Variants in ANKS6 observed in about 807,000 individuals in gnomAD.
ANKS6 encodes ankyrin repeat and sterile alpha motif domain containing 6, also known as ankyrin repeat and SAM domain-containing protein 6.
In ANKS6, 47 loss-of-function variants were observed where a neutral mutation model predicts 77.9. That is an observed-to-expected ratio of 0.60 (90% CI 0.48 to 0.77). The LOEUF (loss-of-function observed/expected upper bound fraction) is 0.77, where lower values mean the gene tolerates loss of function less well. Ranked by LOEUF, ANKS6 falls within the 30% of genes least tolerant of loss-of-function variation. The probability of loss-of-function intolerance (pLI) is 0.00; values close to 1 mark genes in which losing one functional copy is unlikely to be tolerated. For synonymous variants in ANKS6, 488 were observed against 501.7 expected (o/e 0.97, Z 0.37); for missense variants, 1,150 against 1,159.1 (o/e 0.99, Z 0.11).
intron 5 of ANKS6, among the ~76,000 whole-genome samples, chr9:98,780,727 T>C (rs539916636): frequency 6.6e-6 from 1 of 152,264 alleles, no homozygotes; most frequent in East Asian, 1.9e-4. Context: ...ACCCACCACA[T>C]AAAGGTATCT....
At chr9:98,795,577 T>C (rs1183189842) in intron 1 of ANKS6, among the ~76,000 whole-genome samples, 1 of 152,186 alleles carries the variant, frequency 6.6e-6, no homozygotes, top group East Asian at 1.9e-4. Flanking sequence ...CCATCATGCC[T>C]TCCCACAGCC....
At chr9:98,738,274 ACAGT>A (rs1831610874) in intron 14 of ANKS6, among the ~76,000 whole-genome samples, 1 of 152,230 alleles carries the variant, frequency 6.6e-6, no homozygotes, top group Non-Finnish European at 1.5e-5. Flanking sequence ...GGCAAAAGGA[ACAGT>A]CAGCAGAGTA....
chr9:98,795,648 C>G (rs879878356), intron 1 of ANKS6, among the ~76,000 whole-genome samples: 1 of 152,162 alleles, frequency 6.6e-6, no homozygotes, highest in Non-Finnish European at 1.5e-5. Context: ...ATATAAACAT[C>G]TTTTCTACCA....
In ANKS6 at chr9:98,732,991, G is replaced by C. The variant is rs74820730; in HGVS notation, c.*3528C>G. On this transcript the variant is annotated 3_prime_UTR_variant, in exon 15 of 15. Coordinates refer to ENST00000353234, the MANE Select transcript of ANKS6 (RefSeq NM_173551.5). ...CCACTCCATCTCTCTCCTCTGGGGCGTGCCCAGGCTGAGCCTGAGCCATCA... is the reference window on the plus strand; with the variant it reads ...CCACTCCATCTCTCTCCTCTGGGGCCTGCCCAGGCTGAGCCTGAGCCATCA... 9.2e-6 allele frequency: 9 copies of C among 977,128 alleles called. No individual in the cohort carries two copies. The East Asian group carries it at 7.8e-4, about 85-fold the overall frequency. 60.5% of individuals were successfully genotyped at this position (977,128 alleles called of 1,614,324 possible).
intron 12 of ANKS6, 91 bp downstream of exon 12, chr9:98,756,329 T>C: frequency 7.1e-7 from 1 of 1,407,152 alleles, no homozygotes; most frequent in South Asian, 1.4e-5. Flanking sequence ...CCTAGGATGG[T>C]TATAGCAATT....
At chr9:98,761,762 C>G (rs138575763) in intron 11 of ANKS6, among the ~76,000 whole-genome samples, 169 of 152,274 alleles carry the variant, frequency 1.1e-3, no homozygotes, top group Middle Eastern at 0.01. Flanking sequence ...TGGGCTCTCT[C>G]TTTTGTTCCA....
Position 98,733,667 on chromosome 9 carries a change from G to A in ANKS6, c.*2852C>T. On this transcript the variant is annotated 3_prime_UTR_variant, in exon 15 of 15. Transcript: ENST00000353234. ...ACCTTGGAGAAGTGATGAGAGTAAT[G>A]TGGGAGATGCTATGAGTTTCTTGGC... 1.0e-6 allele frequency: 1 copy of A among 985,478 alleles called. No homozygotes were observed. Among genetic ancestry groups the A allele is most frequent in the Middle Eastern group, 5.2e-4 (1 of 1,914 alleles). 61.0% of individuals were successfully genotyped at this position (985,478 alleles called of 1,614,324 possible). A position where few individuals can be genotyped will look rare whatever the true frequency, so the allele number is the denominator to read the frequency against.
intron 1 of ANKS6, 43 bp downstream of exon 1, chr9:98,796,090 G>A: frequency 7.8e-7 from 1 of 1,287,038 alleles, no homozygotes; most frequent in African/African-American, 1.5e-5. Flanking sequence ...GGCCAGCGCC[G>A]GGCACCACTC....
At chr9:98,751,908 T>A (rs953050486) in intron 12 of ANKS6, among the ~76,000 whole-genome samples, 11 of 152,234 alleles carry the variant, frequency 7.2e-5, no homozygotes, top group Admixed American at 6.5e-4. Context: ...TAATGAGATT[T>A]CATCTCTACA....
At chr9:98,739,503 T>C (rs986367612) in intron 14 of ANKS6, among the ~76,000 whole-genome samples, 8 of 152,020 alleles carry the variant, frequency 5.3e-5, no homozygotes, top group Non-Finnish European at 1.2e-4. Flanking sequence ...AGATACTTAA[T>C]CTCCCTGGGC....
intron 13 of ANKS6, among the ~76,000 whole-genome samples, chr9:98,749,221 G>A (rs1832300981): frequency 6.6e-6 from 1 of 152,206 alleles, no homozygotes. Context: ...GTCAAGTAGA[G>A]ACAAGGGCAC....
Position 98,789,973 on chromosome 9 carries a change from C to T in ANKS6, c.862+131G>A. On this transcript the variant is annotated intron_variant, in intron 2 of 14. Coordinates refer to ENST00000353234, the MANE Select transcript of ANKS6 (RefSeq NM_173551.5). ...CCCCCGATACTTAAGCACACCACTT[C>T]CTCAGTCTCAGTGGTCTGCAGGGCT... is the stretch of plus-strand genomic sequence containing the variant. 1.3e-5 allele frequency: 17 copies of T among 1,307,868 alleles called. No individual in the cohort carries two copies. In the South Asian group the frequency reaches 2.6e-4, roughly 20 times the overall value. 81.0% of individuals were successfully genotyped at this position (1,307,868 alleles called of 1,614,324 possible). A position where few individuals can be genotyped will look rare whatever the true frequency, so the allele number is the denominator to read the frequency against.
chr9:98,782,378 A>C, intron 5 of ANKS6, 89 bp downstream of exon 5: 2 of 1,234,088 alleles, frequency 1.6e-6, no homozygotes, highest in Non-Finnish European at 2.4e-6. Flanking sequence ...CAAGTGCTTA[A>C]AACACAAGTC....
In ANKS6 at chr9:98,790,217, T is replaced by C. The variant is rs1834822600; in HGVS notation, c.749A>G (p.Asn250Ser). Residue 250 changes from asparagine (N) to serine (S), a missense_variant, in exon 2 of 15, where the codon AAC (asparagine) becomes AGC (serine). Transcript: ENST00000353234. ...CTCCAGCACGCTGAGGTGGTCAGGGTTGGCGCCCTTCTCCACCAGCTGCTG... is the reference window on the plus strand; with the variant it reads ...CTCCAGCACGCTGAGGTGGTCAGGGCTGGCGCCCTTCTCCACCAGCTGCTG... Reference protein sequence around the residue: ...VAQQLVEKGANPDHLSVLEKT... With the variant: ...VAQQLVEKGASPDHLSVLEKT... The C allele has an allele frequency of 6.2e-7, 1 of 1,607,776 alleles. No individual in the cohort carries two copies. Among genetic ancestry groups the C allele is most frequent in the Non-Finnish European group, 8.5e-7 (1 of 1,175,250 alleles).
At position 98,732,619 on chromosome 9, in the gene ANKS6, C is replaced by G. The variant is rs1831262288; in HGVS notation, c.*3900G>C. Reference sequence around the variant, plus strand: ...GATGAAAGGATTTAAAATGGGCAACCATCTTTGAGGTTTCCCACATCTGCA... The same window carrying G: ...GATGAAAGGATTTAAAATGGGCAACGATCTTTGAGGTTTCCCACATCTGCA... On this transcript the variant is annotated 3_prime_UTR_variant, in exon 15 of 15. Transcript: ENST00000353234. 1.9e-6 allele frequency: 3 copies of G among 1,549,130 alleles called. No individual in the cohort carries two copies. The highest frequency in any genetic ancestry group is 1.7e-6 in the Non-Finnish European group (2 of 1,146,654).
At chr9:98,766,158 G>A (rs9919074) in intron 11 of ANKS6, among the ~76,000 whole-genome samples, 32,739 of 152,144 alleles carry the variant, frequency 0.22, 3,929 homozygotes, top group East Asian at 0.35. Flanking sequence ...TAAATGTCAG[G>A]TGATCATTGA....
At chr9:98,777,567 T>C (rs964146169) in intron 7 of ANKS6, 113 bp from the exon 8 acceptor site, 3 of 857,598 alleles carry the variant, frequency 3.5e-6, no homozygotes, top group Non-Finnish European at 5.7e-6. Context: ...GGTGCTTAAA[T>C]ATTTAATAAT....
chr9:98,793,899 C>T (rs1236758807), intron 1 of ANKS6, among the ~76,000 whole-genome samples: 3 of 148,778 alleles, frequency 2.0e-5, no homozygotes, highest in Non-Finnish European at 3.0e-5. Flanking sequence ...CGCCTGTAAT[C>T]GCAGCACTTT....
At chr9:98,767,661 C>G (rs1833375223) in intron 11 of ANKS6, among the ~76,000 whole-genome samples, 1 of 152,220 alleles carries the variant, frequency 6.6e-6, no homozygotes, top group Non-Finnish European at 1.5e-5. Context: ...ACAGGAACAG[C>G]CAACACGGAC....
Sources: allele counts gnomAD v4.1 joint callset (sites outside exome capture counted in the v4.1 genomes callset), GRCh38; gene constraint gnomAD v4.1.1; transcripts MANE v1.5; gene names NCBI Gene and HGNC (gene_info 2026-07-23, HGNC 2026-07-21).